PDS5B: variants seen among roughly 807,000 people sequenced by gnomAD.
The protein encoded by PDS5B is sister chromatid cohesion protein PDS5 homolog B.
In PDS5B, 51 loss-of-function variants were observed where a neutral mutation model predicts 184.1. That is an observed-to-expected ratio of 0.28 (90% confidence interval 0.22 to 0.35). PDS5B has a LOEUF of 0.35. Among genes scored for constraint, PDS5B ranks in the 10% least tolerant of loss-of-function variants. PDS5B has a pLI of 1.00. For missense variants in PDS5B, 1,180 were observed against 1,723.3 expected (o/e 0.68, Z 5.58); for synonymous variants, 566 against 569.2 (o/e 0.99, Z 0.08).
rs753108964 is a variant in PDS5B at position 32,741,099 on chromosome 13, C to G, written c.2426C>G (p.Thr809Ser). The G allele has an allele frequency of 2.6e-6, 4 of 1,529,456 alleles. No individual in the cohort carries two copies. The South Asian group carries it at 3.5e-5, about 13-fold the overall frequency. The allele number at this position is 1,529,456 out of a possible 1,614,324, so 94.7% of individuals were successfully genotyped here. ...MNDRLPGKKT[T>S]KLWVPDEEVS... is the part of the protein sequence containing the mutation. The stretch of plus-strand genomic sequence containing the variant: ...TTTTAGCTTCCAGGGAAAAAGACAA[C>G]TAAACTTTGGGTTCCAGATGAAGAA... Residue 809 changes from threonine (T) to serine (S), a missense_variant, in exon 22 of 35, where the codon ACT (threonine) becomes AGT (serine). Thr to Ser is a moderately conservative substitution (Grantham distance 58, BLOSUM62 1). Transcript: ENST00000315596.
At chr13:32,644,066 A>G (rs1052791045) in intron 1 of PDS5B, among the ~76,000 whole-genome samples, 16 of 152,142 alleles carry the variant, frequency 1.1e-4, no homozygotes, top group Admixed American at 1.3e-4. Flanking sequence ...GGCTTCTAGC[A>G]TTATATTGAA....
intron 3 of PDS5B, among the ~76,000 whole-genome samples, chr13:32,653,104 G>C (rs1283764302): frequency 6.6e-6 from 1 of 152,092 alleles, no homozygotes; most frequent in Non-Finnish European, 1.5e-5. Context: ...AACCAGCCTG[G>C]CCAACATGGT....
chr13:32,690,071 A>G (rs1049910807), intron 13 of PDS5B: 2 of 152,192 alleles, frequency 1.3e-5, no homozygotes, highest in Non-Finnish European at 1.5e-5. Flanking sequence ...TAAAGAAGTA[A>G]TAAGATTCAA....
At chr13:32,620,415 T>C (rs576628007) in intron 1 of PDS5B, among the ~76,000 whole-genome samples, 3 of 152,090 alleles carry the variant, frequency 2.0e-5, no homozygotes, top group African/African-American at 7.2e-5. Context: ...CCCAGCACTT[T>C]GGGAGGCCGA....
chr13:32,747,586 CAAA>C (rs5802658), intron 24 of PDS5B, among the ~76,000 whole-genome samples: 3 of 106,598 alleles, frequency 2.8e-5, no homozygotes, highest in African/African-American at 4.1e-5. Context: ...GACTCCATCT[CAAA>C]AAAAAAAAAA....
intron 1 of PDS5B, among the ~76,000 whole-genome samples, chr13:32,622,637 T>G (rs1377057378): frequency 6.6e-6 from 1 of 152,248 alleles, no homozygotes; most frequent in Non-Finnish European, 1.5e-5. Flanking sequence ...TTAAAACTTG[T>G]ACTGTGCCGG....
intron 3 of PDS5B, among the ~76,000 whole-genome samples, chr13:32,653,451 A>C (rs977136893): frequency 2.0e-5 from 3 of 152,144 alleles, no homozygotes; most frequent in Non-Finnish European, 4.4e-5. Flanking sequence ...TACAGTGGTG[A>C]AAAAAACCCA....
chr13:32,657,886 GA>G (rs1304674962), intron 3 of PDS5B, among the ~76,000 whole-genome samples: 3 of 152,040 alleles, frequency 2.0e-5, no homozygotes, highest in Non-Finnish European at 2.9e-5. Context: ...ACTGTTCCAG[GA>G]AACCTGATCA....
intron 33 of PDS5B, among the ~76,000 whole-genome samples, chr13:32,771,811 C>T (rs544774120): frequency 6.6e-6 from 1 of 151,990 alleles, no homozygotes; most frequent in East Asian, 1.9e-4. Flanking sequence ...AATGATGTAA[C>T]AAGGAAATAA....
intron 3 of PDS5B, among the ~76,000 whole-genome samples, chr13:32,653,993 C>G (rs1950434965): frequency 6.6e-6 from 1 of 152,282 alleles, no homozygotes; most frequent in South Asian, 2.1e-4. Context: ...CATATCTGTT[C>G]TGTTTCTAAC....
chr13:32,740,726 C>T (rs988523986), intron 21 of PDS5B, among the ~76,000 whole-genome samples: 2 of 151,878 alleles, frequency 1.3e-5, no homozygotes, highest in Admixed American at 6.6e-5. Flanking sequence ...AAGAGCTACA[C>T]CTTTTGGCTC....
Position 32,729,861 on chromosome 13 carries a change from G to A in PDS5B, c.2124-2240G>A, listed in dbSNP as rs117280294. 8.2e-4 allele frequency among the ~76,000 whole-genome samples: 124 copies of A among 152,060 alleles called. No homozygotes were observed. The East Asian group carries it at 0.017, about 21-fold the overall frequency. On this transcript the variant is annotated intron_variant, in intron 19 of 34. Transcript: ENST00000315596. ...ATTAGCCCTTTGTCAGATGAATAGA[G>A]TGCAGAAACTTTCTCCTGTTCTGTA...
At chr13:32,627,384 T>C (rs1037403808) in intron 1 of PDS5B, among the ~76,000 whole-genome samples, 3 of 152,236 alleles carry the variant, frequency 2.0e-5, no homozygotes, top group African/African-American at 7.2e-5. Flanking sequence ...AGCTGCTCTG[T>C]TGAGTTATTT....
intron 1 of PDS5B, among the ~76,000 whole-genome samples, chr13:32,641,993 C>T (rs1285610118): frequency 2.0e-5 from 3 of 152,124 alleles, no homozygotes; most frequent in African/African-American, 7.2e-5. Flanking sequence ...CAAGCAAATT[C>T]TCAATAAATA....
At chr13:32,740,591 C>T (rs1345739566) in intron 21 of PDS5B, among the ~76,000 whole-genome samples, 5 of 152,112 alleles carry the variant, frequency 3.3e-5, no homozygotes, top group Non-Finnish European at 5.9e-5. Flanking sequence ...CTGGTTACTA[C>T]TGTAAACACC....
intron 11 of PDS5B, among the ~76,000 whole-genome samples, chr13:32,685,384 C>CT (rs568430697): frequency 6.0e-4 from 91 of 152,110 alleles, no homozygotes; most frequent in African/African-American, 2.0e-3. Flanking sequence ...TTCTAAATAC[C>CT]TTTTTTCTCA....
At chr13:32,762,870 C>T (rs866611882) in intron 30 of PDS5B, among the ~76,000 whole-genome samples, 3 of 152,066 alleles carry the variant, frequency 2.0e-5, no homozygotes, top group African/African-American at 4.8e-5. Context: ...ATACTACTGT[C>T]GTGATGTTAT....
chr13:32,611,992 T>A (rs979403934), intron 1 of PDS5B, among the ~76,000 whole-genome samples: 1 of 152,170 alleles, frequency 6.6e-6, no homozygotes, highest in African/African-American at 2.4e-5. Context: ...TCAGTACTTT[T>A]AATTTCATAT....
chr13:32,626,400 T>C (rs1055586936), intron 1 of PDS5B, among the ~76,000 whole-genome samples: 3 of 152,322 alleles, frequency 2.0e-5, no homozygotes, highest in East Asian at 1.9e-4. Flanking sequence ...CTAAAGTGTA[T>C]TGGAAAACCA....
Sources: allele counts gnomAD v4.1 joint callset (sites outside exome capture counted in the v4.1 genomes callset), GRCh38; gene constraint gnomAD v4.1.1; transcripts MANE v1.5; gene names NCBI Gene and HGNC (gene_info 2026-07-23, HGNC 2026-07-21).